Variants in ADAM10 observed in about 807,000 individuals in gnomAD.
ADAM10 encodes the protein ADAM metallopeptidase domain 10.
A neutral mutation model predicts 90.1 loss-of-function variants in ADAM10; 17 were observed. The observed-to-expected ratio is 0.19, with a 90% CI of 0.13 to 0.28. ADAM10 has a LOEUF of 0.28. Among genes scored for constraint, ADAM10 ranks in the 10% least tolerant of loss-of-function variants. ADAM10 has a pLI of 1.00. For synonymous variants in ADAM10, 310 were observed against 298.6 expected (o/e 1.04, Z -0.40); for missense variants, 610 against 914.3 (o/e 0.67, Z 4.29).
chr15:58,664,663 GA>G (rs1239758342), intron 5 of ADAM10, among the ~76,000 whole-genome samples: 2 of 151,882 alleles, frequency 1.3e-5, no homozygotes, highest in Admixed American at 6.6e-5. Context: ...AAAAGGAAGG[GA>G]AAAAAATAAT....
At position 58,597,503 on chromosome 15, in the gene ADAM10, T is replaced by C. The variant is rs1429857069; in HGVS notation, c.*44A>G. Reference sequence around the variant, plus strand: ...AATAGGTTTCTCTTTGGAGTGAAGTTTTCCCATTGTAGGCACTAGGAAGAA... The same window carrying C: ...AATAGGTTTCTCTTTGGAGTGAAGTCTTCCCATTGTAGGCACTAGGAAGAA... On this transcript the variant is annotated 3_prime_UTR_variant, in exon 16 of 16. Coordinates refer to ENST00000260408, the MANE Select transcript of ADAM10 (RefSeq NM_001110.4). 2 of 1,613,910 alleles carry C rather than the reference T, an allele frequency of 1.2e-6. No individual in the cohort carries two copies. The highest frequency in any genetic ancestry group is 2.7e-5 in the African/African-American group (2 of 74,910).
At chr15:58,701,595 A>G (rs1363165244) in intron 2 of ADAM10, among the ~76,000 whole-genome samples, 2 of 152,230 alleles carry the variant, frequency 1.3e-5, no homozygotes, top group East Asian at 3.8e-4. Flanking sequence ...CAAGAAAACA[A>G]AAATAGAATT....
In ADAM10 at chr15:58,590,693, T is replaced by C. The variant is rs1251628321; in HGVS notation, c.*6854A>G. On this transcript the variant is annotated 3_prime_UTR_variant, in exon 16 of 16. Coordinates refer to ENST00000260408, the MANE Select transcript of ADAM10 (RefSeq NM_001110.4). ...TTAATTTATAAAAACCGGCCTGTTG[T>C]ATTTAGAAACACAAAGGCTAACTCC... 5.3e-5 allele frequency: 8 copies of C among 152,208 alleles called. No individual in the cohort carries two copies. Among genetic ancestry groups the C allele is most frequent in the Admixed American group, 4.6e-4 (7 of 15,282 alleles). 9.4% of individuals were successfully genotyped at this position (152,208 alleles called of 1,614,324 possible). A position where few individuals can be genotyped will look rare whatever the true frequency, so the allele number is the denominator to read the frequency against.
chr15:58,627,681 G>A lies in ADAM10; in HGVS notation c.1360+19C>T, dbSNP rs201134122. The A allele has an allele frequency of 1.0e-5, 16 of 1,605,596 alleles. No homozygotes were observed. Among genetic ancestry groups the A allele is most frequent in the Admixed American group, 1.7e-5 (1 of 59,970 alleles). The stretch of plus-strand genomic sequence containing the variant: ...TGTTTGAAAATGTTCATAACAAAAC[G>A]TTAGGAAAATATACATACCAACAAA... On this transcript the variant is annotated intron_variant, in intron 10 of 15. Coordinates refer to ENST00000260408, the MANE Select transcript of ADAM10 (RefSeq NM_001110.4).
intron 11 of ADAM10, among the ~76,000 whole-genome samples, chr15:58,612,438 G>C (rs575642484): frequency 3.9e-4 from 60 of 152,264 alleles, no homozygotes; most frequent in African/African-American, 1.4e-3. Flanking sequence ...CCTGGAGCTA[G>C]ACTAGCCCCC....
chr15:58,728,582 A>T lies in ADAM10; in HGVS notation c.56-10855T>A, dbSNP rs574026896. On this transcript the variant is annotated intron_variant, in intron 1 of 15. Transcript: ENST00000260408. ...TAGCGAGATTCCATCTCTATTTTTTAAAAAAAAAGAAAAGAAAAAAGAAAA... is the reference window on the plus strand; with the variant it reads ...TAGCGAGATTCCATCTCTATTTTTTTAAAAAAAAGAAAAGAAAAAAGAAAA... 2.2e-4 allele frequency among the ~76,000 whole-genome samples: 34 copies of T among 151,222 alleles called. 1 individual carries two copies. In the East Asian group the frequency reaches 4.8e-3, roughly 22 times the overall value.
At chr15:58,664,143 T>C (rs908743473) in intron 5 of ADAM10, among the ~76,000 whole-genome samples, 1 of 152,058 alleles carries the variant, frequency 6.6e-6, no homozygotes, top group African/African-American at 2.4e-5. Flanking sequence ...TCTTTCCATA[T>C]CCTCATGGCT....
chr15:58,656,680 GTTAT>G (rs1173455616), intron 5 of ADAM10, among the ~76,000 whole-genome samples: 1 of 151,922 alleles, frequency 6.6e-6, no homozygotes, highest in Non-Finnish European at 1.5e-5. Flanking sequence ...ATCCTGAAGA[GTTAT>G]TTTTTATCAG....
At chr15:58,664,187 A>T (rs144083301) in intron 5 of ADAM10, among the ~76,000 whole-genome samples, 4,180 of 152,156 alleles carry the variant, frequency 0.027, 85 homozygotes, top group Non-Finnish European at 0.042. Context: ...AGGTCTGATT[A>T]TTGCCTTCAA....
At chr15:58,606,764 G>T (rs1489876111) in intron 14 of ADAM10, among the ~76,000 whole-genome samples, 1 of 152,200 alleles carries the variant, frequency 6.6e-6, no homozygotes, top group Non-Finnish European at 1.5e-5. Context: ...GGAATGGAAC[G>T]TAAGAATTTG....
At chr15:58,711,233 A>G (rs1040060774) in intron 2 of ADAM10, among the ~76,000 whole-genome samples, 38 of 152,216 alleles carry the variant, frequency 2.5e-4, no homozygotes, top group African/African-American at 8.0e-4. Context: ...TTATATACAA[A>G]TCACATATTA....
chr15:58,635,604 G>C (rs1372892429), intron 8 of ADAM10, among the ~76,000 whole-genome samples: 1 of 151,916 alleles, frequency 6.6e-6, no homozygotes, highest in African/African-American at 2.4e-5. Flanking sequence ...CATTATTTCT[G>C]GAAACCAGAA....
At chr15:58,704,617 T>A (rs908703041) in intron 2 of ADAM10, among the ~76,000 whole-genome samples, 2 of 152,204 alleles carry the variant, frequency 1.3e-5, no homozygotes, top group Non-Finnish European at 2.9e-5. Flanking sequence ...AATCAAATTG[T>A]GTGGCCATGT....
intron 4 of ADAM10, among the ~76,000 whole-genome samples, chr15:58,670,756 CA>C (rs1897173314): frequency 6.6e-6 from 1 of 152,136 alleles, no homozygotes; most frequent in Non-Finnish European, 1.5e-5. Context: ...ACTTAATTTA[CA>C]TACAAGAATA....
chr15:58,741,308 G>C (rs1595672306), intron 1 of ADAM10, among the ~76,000 whole-genome samples: 1 of 150,992 alleles, frequency 6.6e-6, no homozygotes, highest in Non-Finnish European at 1.5e-5. Flanking sequence ...GAACTGAATA[G>C]CCTAATTCCA....
intron 5 of ADAM10, among the ~76,000 whole-genome samples, chr15:58,647,246 G>GTGTTTTTTTTTTT (rs1323960397): frequency 2.7e-5 from 1 of 36,828 alleles, no homozygotes; most frequent in Non-Finnish European, 6.9e-5. Context: ...TAGACACTAA[G>GTGTTTTTTTTTTT]TATTTTTTTT....
chr15:58,701,202 G>A (rs2657125), intron 2 of ADAM10, among the ~76,000 whole-genome samples: 1 of 151,794 alleles, frequency 6.6e-6, no homozygotes, highest in Non-Finnish European at 1.5e-5. Context: ...ATTCATCTGA[G>A]AAGGGACAAA....
chr15:58,690,973 C>T (rs1181069286), intron 2 of ADAM10: 2 of 465,652 alleles, frequency 4.3e-6, no homozygotes, highest in Middle Eastern at 3.5e-4. Context: ...TCTGCCTCAG[C>T]CTTCTGCTGT....
In ADAM10 at chr15:58,748,963, A is replaced by C. The variant is rs532350314; in HGVS notation, c.55+517T>G. On this transcript the variant is annotated intron_variant, in intron 1 of 15. Transcript: ENST00000260408. ...CAATACACGAGCCCAGCTGCAAACA[A>C]CACAACTTCCCACGAGTCTGCGCGG... The C allele has an allele frequency of 1.4e-3, 572 of 398,726 alleles. 4 individuals carry two copies. Among genetic ancestry groups the C allele is most frequent in the Non-Finnish European group, 8.0e-4 (181 of 226,304 alleles). 24.7% of individuals were successfully genotyped at this position (398,726 alleles called of 1,614,324 possible).
Sources: gnomAD v4.1 joint callset for allele counts (sites outside exome capture counted in the v4.1 genomes callset) on GRCh38, gnomAD v4.1.1 for gene constraint, MANE v1.5 for transcripts, NCBI Gene and HGNC (gene_info 2026-07-23, HGNC 2026-07-21) for gene names.